The following WNK3 variants were observed in gnomAD, a reference collection of about 807,000 sequenced individuals.
WNK3 encodes WNK lysine deficient protein kinase 3, also known as serine/threonine-protein kinase WNK3.
In WNK3, 18 loss-of-function variants were observed where a neutral mutation model predicts 116.7. The observed-to-expected ratio is 0.15, with a 90% CI of 0.11 to 0.23. The LOEUF (loss-of-function observed/expected upper bound fraction) is 0.23. WNK3 is among the 10% of genes least tolerant of loss of function. The pLI is 1.00. For synonymous variants in WNK3, 404 were observed against 469.4 expected (o/e 0.86, Z 1.80); for missense variants, 993 against 1,323.8 (o/e 0.75, Z 3.88).
At chrX:54,196,155 G>A (rs1187527448) in exon 24 of WNK3, 2 of 111,198 alleles carry the variant, frequency 1.8e-5, no homozygotes, top group Non-Finnish European at 3.8e-5. Flanking sequence ...GGAAAACAGT[G>A]CAATGCAAGC....
At chrX:54,194,341 C>T (rs190177329) in exon 24 of WNK3, 2 of 112,105 alleles carry the variant, frequency 1.8e-5, no homozygotes, top group African/African-American at 3.2e-5. Flanking sequence ...TAGCACTGTG[C>T]TAATATATGT....
intron 1 of WNK3, among the ~76,000 whole-genome samples, chrX:54,354,972 T>C (rs371369214): frequency 5.6e-4 from 62 of 110,542 alleles, no homozygotes; most frequent in African/African-American, 2.0e-3. Flanking sequence ...TAATCCCAGC[T>C]ACTAGGGAGG....
At chrX:54,354,740 T>C (rs1557179098) in intron 1 of WNK3, among the ~76,000 whole-genome samples, 1 of 111,592 alleles carries the variant, frequency 9.0e-6, no homozygotes, top group African/African-American at 3.3e-5. Flanking sequence ...TAATAAGTAT[T>C]ATTTAAAAAT....
rs1160919797 is a variant in WNK3 at position 54,254,075 on chromosome X, C to G, written c.2251G>C (p.Val751Leu). 8.6e-7 allele frequency: 1 copy of G among 1,165,495 alleles called. No homozygotes were observed. The highest frequency in any genetic ancestry group is 1.8e-5 in the African/African-American group (1 of 56,900). Residue 751 changes from valine to leucine, a missense_variant and splice_region_variant, in exon 13 of 24, where the codon GTA becomes CTA. This residue lies in a region of WNK3 where 836 missense variants were observed against 976.5 expected (regional missense o/e 0.86). Transcript: ENST00000354646. Reference sequence around the variant, plus strand: ...ACCATGTTATCTCCAGAGGTTGATACCTGAGTACAAACATTTTACCGGTTT... The same window carrying G: ...ACCATGTTATCTCCAGAGGTTGATAGCTGAGTACAAACATTTTACCGGTTT...
chrX:54,280,309 A>AT (rs2068501621), intron 10 of WNK3, among the ~76,000 whole-genome samples: 1 of 111,103 alleles, frequency 9.0e-6, no homozygotes, highest in Non-Finnish European at 1.9e-5. Context: ...AAAAAAAAAA[A>AT]ATATAAATTG....
Position 54,308,026 on chromosome X carries a change from C to T in WNK3, c.985G>A (p.Val329Ile), listed in dbSNP as rs782453350. The T allele has an allele frequency of 1.0e-5, 12 of 1,205,656 alleles. No homozygotes were observed. Among genetic ancestry groups the T allele is most frequent in the Admixed American group, 2.2e-5 (1 of 45,334 alleles). ...CACATTCCAAAAGCATAAACATCTA[C>T]GGATTCATCATAGTGTTCTTCATAC... Residue 329 changes from valine (V) to isoleucine (I), a missense_variant, in exon 5 of 24, where the codon GTA becomes ATA. Val to Ile is a conservative substitution (Grantham distance 29, BLOSUM62 3). Transcript: ENST00000354646.
intron 10 of WNK3, among the ~76,000 whole-genome samples, chrX:54,289,518 G>A (rs1222463942): frequency 9.0e-6 from 1 of 111,107 alleles, no homozygotes; most frequent in Non-Finnish European, 1.9e-5. Context: ...TCAGACTCTT[G>A]GAGAACATAA....
At chrX:54,212,104 T>C (rs1391713295) in intron 22 of WNK3, among the ~76,000 whole-genome samples, 7 of 110,903 alleles carry the variant, frequency 6.3e-5, no homozygotes, top group Non-Finnish European at 1.3e-4. Flanking sequence ...TGGGTGCCTG[T>C]AGTCCCAGCT....
At chrX:54,343,170 G>A (rs920956378) in intron 1 of WNK3, among the ~76,000 whole-genome samples, 2 of 106,652 alleles carry the variant, frequency 1.9e-5, no homozygotes, top group African/African-American at 6.8e-5. Flanking sequence ...TCTTGACTAT[G>A]GTATATGTGG....
At chrX:54,232,072 AGT>A (rs1198136964) in intron 21 of WNK3, among the ~76,000 whole-genome samples, 3 of 94,598 alleles carry the variant, frequency 3.2e-5, no homozygotes, top group East Asian at 6.6e-4. Flanking sequence ...ATTCTTGTTG[AGT>A]GTGTGTGTGT....
chrX:54,341,353 C>T (rs1403322407), intron 1 of WNK3, among the ~76,000 whole-genome samples: 2 of 109,361 alleles, frequency 1.8e-5, no homozygotes, highest in Admixed American at 9.9e-5. Flanking sequence ...GCCAAGATGG[C>T]GCCACTTCAC....
At position 54,247,948 on chromosome X, in the gene WNK3, CATAAA is replaced by C. The variant is rs1249063744; in HGVS notation, c.3651+744_3651+748del. On this transcript the variant is annotated intron_variant, in intron 17 of 23. Coordinates refer to ENST00000354646, the Ensembl canonical transcript of WNK3. ...ATTAAAGTTCCTACATTATATAACT[CATAAA>C]ATAAGTCAGGCCAGGCACAGTGGCT... 3.6e-5 allele frequency among the ~76,000 whole-genome samples: 4 copies of C among 111,430 alleles called. No individual in the cohort carries two copies. In the Admixed American group the frequency reaches 3.8e-4, roughly 11 times the overall value.
chrX:54,357,412 C>T (rs1158004523), intron 1 of WNK3, among the ~76,000 whole-genome samples: 3 of 111,568 alleles, frequency 2.7e-5, no homozygotes, highest in Non-Finnish European at 5.7e-5. Flanking sequence ...CTGCCCTTCC[C>T]CACTTTCCCC....
intron 22 of WNK3, among the ~76,000 whole-genome samples, chrX:54,217,003 C>T (rs782359656): frequency 1.8e-5 from 2 of 111,596 alleles, no homozygotes; most frequent in East Asian, 5.7e-4. Context: ...TAGCAAGACC[C>T]CATCTTTACA....
At chrX:54,316,064 A>G (rs782587466) in intron 2 of WNK3, among the ~76,000 whole-genome samples, 1 of 111,582 alleles carries the variant, frequency 9.0e-6, no homozygotes, top group East Asian at 2.8e-4. Flanking sequence ...TTGAGGGGGC[A>G]TAACTATACA....
upstream of WNK3, among the ~76,000 whole-genome samples, chrX:54,358,324 C>T (rs782502249): frequency 5.8e-5 from 6 of 103,152 alleles, no homozygotes; most frequent in East Asian, 1.9e-3. Flanking sequence ...CGCTCTCGCT[C>T]TCTCTCAGCT....
intron 10 of WNK3, among the ~76,000 whole-genome samples, chrX:54,272,826 G>A (rs1481789622): frequency 8.9e-6 from 1 of 112,054 alleles, no homozygotes; most frequent in Non-Finnish European, 1.9e-5. Flanking sequence ...GATAAAGACT[G>A]AAGTATAAAG....
At chrX:54,195,410 T>C (rs1557139855) in exon 24 of WNK3, 1 of 111,425 alleles carries the variant, frequency 9.0e-6, no homozygotes, top group Non-Finnish European at 1.9e-5. Flanking sequence ...TTTCTGAGCT[T>C]TACCTCAAGT....
At chrX:54,311,070 A>G in intron 3 of WNK3, 49 bp downstream of exon 3, 8 of 970,748 alleles carry the variant, frequency 8.2e-6, no homozygotes, top group Non-Finnish European at 1.1e-5. Context: ...ATGACTCCTG[A>G]AAATTATTTC....
Sources: allele counts gnomAD v4.1 joint callset (sites outside exome capture counted in the v4.1 genomes callset), GRCh38; gene constraint gnomAD v4.1.1; regional missense constraint gnomAD v4.1.1; transcripts MANE v1.5; gene names NCBI Gene and HGNC (gene_info 2026-07-23, HGNC 2026-07-21).